Variants in KIF20B observed in about 807,000 individuals in gnomAD.
The protein encoded by KIF20B is kinesin-like protein KIF20B.
In KIF20B, 188 loss-of-function variants were observed where a neutral mutation model predicts 232.5. The observed-to-expected ratio is 0.81, with a 90% confidence interval of 0.72 to 0.91. The LOEUF is 0.91. Among genes scored for constraint, KIF20B ranks in the 40% least tolerant of loss-of-function variants. The pLI is 0.00. For synonymous variants in KIF20B, 712 were observed against 683.0 expected (o/e 1.04, Z -0.66); for missense variants, 2,154 against 2,055.9 (o/e 1.05, Z -0.92).
chr10:89,728,314 C>G (rs1843233573), intron 17 of KIF20B, among the ~76,000 whole-genome samples: 1 of 152,020 alleles, frequency 6.6e-6, no homozygotes. Flanking sequence ...TAAAAAATTT[C>G]CCATAATGTT....
At chr10:89,728,498 A>C (rs1191904306) in intron 17 of KIF20B, among the ~76,000 whole-genome samples, 1 of 152,006 alleles carries the variant, frequency 6.6e-6, no homozygotes, top group Non-Finnish European at 1.5e-5. Flanking sequence ...AGGGTGACAT[A>C]GTTTTTTTAG....
intron 18 of KIF20B, 52 bp from the exon 19 acceptor site, chr10:89,732,851 C>A (rs1256645313): frequency 3.6e-6 from 5 of 1,400,048 alleles, no homozygotes; most frequent in Non-Finnish European, 4.8e-6. Flanking sequence ...GTGATTTGTA[C>A]ATTTTTTGTA....
chr10:89,760,216 C>T (rs958444580), intron 27 of KIF20B, among the ~76,000 whole-genome samples: 1 of 152,040 alleles, frequency 6.6e-6, no homozygotes, highest in African/African-American at 2.4e-5. Flanking sequence ...TGATTTTTGC[C>T]AGACCTACCT....
chr10:89,720,175 G>A (rs1188036120), intron 13 of KIF20B, among the ~76,000 whole-genome samples: 1 of 152,164 alleles, frequency 6.6e-6, no homozygotes, highest in East Asian at 1.9e-4. Flanking sequence ...TACAGCCAGA[G>A]TTAACACATT....
In KIF20B at chr10:89,729,236, T is replaced by C; in HGVS notation, c.2380T>C (p.Phe794Leu). Residue 794 changes from phenylalanine (F) to leucine (L), a missense_variant, in exon 18 of 33, where the codon TTT becomes CTT. By Grantham distance (22) the Phe-to-Leu change is conservative. Coordinates refer to ENST00000371728, the MANE Select transcript of KIF20B (RefSeq NM_001284259.2). ...CCTAAAGTCTCATATGGAAAACACATTTAAATGCAATGTAAGAATTTAACC... is the reference window on the plus strand; with the variant it reads ...CCTAAAGTCTCATATGGAAAACACACTTAAATGCAATGTAAGAATTTAACC... ...QNLKSHMENT[F>L]KCNDKADTSS... The C allele has an allele frequency of 6.7e-7, 1 of 1,487,976 alleles. No homozygotes were observed. The highest frequency in any genetic ancestry group is 9.0e-7 in the Non-Finnish European group (1 of 1,109,500). 92.2% of individuals were successfully genotyped at this position (1,487,976 alleles called of 1,614,324 possible). A position where few individuals can be genotyped will look rare whatever the true frequency, so the allele number is the denominator to read the frequency against.
In KIF20B at chr10:89,772,865, A is replaced by C. The variant is rs751919943; in HGVS notation, c.5385+34A>C. The C allele has an allele frequency of 1.7e-5, 27 of 1,549,726 alleles. No individual in the cohort carries two copies. The South Asian group carries it at 1.9e-4, about 11-fold the overall frequency. ...GTATTTCTGTTTTCATCAATGTAGA[A>C]CTGTTCGTGTTCTTTTTAATTTTTT... On this transcript the variant is annotated intron_variant, in intron 32 of 32. Transcript: ENST00000371728.
At chr10:89,733,481 G>A (rs900464266) in intron 19 of KIF20B, among the ~76,000 whole-genome samples, 5 of 152,114 alleles carry the variant, frequency 3.3e-5, no homozygotes, top group Non-Finnish European at 7.4e-5. Context: ...TATTCAAGCT[G>A]TATTTGTGAT....
chr10:89,701,718 G>A (rs766885030), intron 1 of KIF20B, 38 bp downstream of exon 1: 1 of 152,488 alleles, frequency 6.6e-6, no homozygotes, highest in Non-Finnish European at 1.5e-5. Context: ...GGGGAAGGAG[G>A]TGGGTGACTG....
At chr10:89,735,506 A>G (rs1282461301) in intron 19 of KIF20B, among the ~76,000 whole-genome samples, 1 of 151,294 alleles carries the variant, frequency 6.6e-6, no homozygotes, top group Non-Finnish European at 1.5e-5. Flanking sequence ...TTTAGAGTCA[A>G]TTAGATACCA....
At chr10:89,765,637 T>C (rs1025246710) in intron 29 of KIF20B, among the ~76,000 whole-genome samples, 2 of 152,056 alleles carry the variant, frequency 1.3e-5, no homozygotes, top group Non-Finnish European at 2.9e-5. Flanking sequence ...TTAACTATAC[T>C]ACAAGGCTAC....
intron 14 of KIF20B, 62 bp downstream of exon 14, chr10:89,724,165 T>C: frequency 7.2e-7 from 1 of 1,391,766 alleles, no homozygotes; most frequent in Non-Finnish European, 9.4e-7. Flanking sequence ...TTTAGTTTTT[T>C]TTTTTACTTA....
intron 15 of KIF20B, among the ~76,000 whole-genome samples, 171 bp from the exon 16 acceptor site, chr10:89,726,122 A>G: frequency 6.6e-6 from 1 of 152,258 alleles, no homozygotes; most frequent in East Asian, 1.9e-4. Flanking sequence ...CAGAAAATAA[A>G]TAATGGAACA....
rs746257047 is a variant in KIF20B, at chr10:89,768,854, C to T, written c.5208C>T (p.Phe1736=). ...KEGTLQKFGD[F]LQHSPSILQS... is the part of the protein sequence containing the mutation. ...GAACACTACAGAAATTTGGAGACTT[C>T]TTACAACATTCTCCCTCAATTCTTC... is the stretch of plus-strand genomic sequence containing the variant. The change falls in exon 31 of 33, where the codon TTC becomes TTT. Residue 1736 remains phenylalanine, a synonymous_variant. Coordinates refer to ENST00000371728, the MANE Select transcript of KIF20B (RefSeq NM_001284259.2). 21 of 1,604,246 alleles carry T rather than the reference C, an allele frequency of 1.3e-5. No homozygotes were observed. Among genetic ancestry groups the T allele is most frequent in the Non-Finnish European group, 1.7e-5 (20 of 1,176,768 alleles).
chr10:89,717,739 G>C lies in KIF20B; in HGVS notation c.1271+17G>C. The C allele has an allele frequency of 6.5e-7, 1 of 1,544,822 alleles. No individual in the cohort carries two copies. Among genetic ancestry groups the C allele is most frequent in the Non-Finnish European group, 8.8e-7 (1 of 1,136,818 alleles). ...AAAGTCAAAGTAAGTGTTTCTGAAA[G>C]TGTTATTAGCATATTAAATATTACA... On this transcript the variant is annotated intron_variant, in intron 11 of 32. Transcript: ENST00000371728.
At chr10:89,702,701 A>G (rs534769706) in intron 1 of KIF20B, among the ~76,000 whole-genome samples, 34 of 152,252 alleles carry the variant, frequency 2.2e-4, no homozygotes, top group South Asian at 6.2e-4. Flanking sequence ...TGAAATGAAA[A>G]ATGAGGTCTT....
intron 24 of KIF20B, among the ~76,000 whole-genome samples, chr10:89,752,313 G>A: frequency 6.6e-6 from 1 of 151,984 alleles, no homozygotes. Context: ...ATATAATAAG[G>A]TTGACAATGA....
At chr10:89,713,783 AAGAAT>A (rs1842881412) in intron 6 of KIF20B, among the ~76,000 whole-genome samples, 1 of 152,348 alleles carries the variant, frequency 6.6e-6, no homozygotes, top group African/African-American at 2.4e-5. Context: ...GTGTGGGGAA[AAGAAT>A]AGAAGGGAAA....
intron 14 of KIF20B, among the ~76,000 whole-genome samples, chr10:89,724,672 G>A (rs956032532): frequency 2.0e-5 from 3 of 152,062 alleles, no homozygotes; most frequent in Non-Finnish European, 4.4e-5. Context: ...TGCGATCTTG[G>A]CTCACGGCAA....
At chr10:89,772,550 C>CAT (rs1241960354) in intron 31 of KIF20B, 139 bp from the exon 32 acceptor site, 10 of 482,932 alleles carry the variant, frequency 2.1e-5, no homozygotes, top group South Asian at 4.9e-5. Context: ...GCCCTTTCAC[C>CAT]ATATATATAT....
Sources: allele counts gnomAD v4.1 joint callset (sites outside exome capture counted in the v4.1 genomes callset), GRCh38; gene constraint gnomAD v4.1.1; transcripts MANE v1.5; gene names NCBI Gene and HGNC (gene_info 2026-07-23, HGNC 2026-07-21).